The following CACNA2D4 variants were observed in gnomAD, a reference collection of about 807,000 sequenced individuals.
CACNA2D4 encodes the protein voltage-dependent calcium channel subunit alpha-2/delta-4.
A neutral mutation model predicts 163.8 loss-of-function variants in CACNA2D4; 157 were observed. The ratio of observed to expected loss-of-function variants is 0.96; its 90% CI spans 0.84 to 1.09. The LOEUF is 1.09. Ranked by LOEUF, CACNA2D4 falls within the 50% of genes least tolerant of loss-of-function variation. The pLI is 0.00. For synonymous variants in CACNA2D4, 598 were observed against 586.9 expected (o/e 1.02, Z -0.27); for missense variants, 1,410 against 1,479.9 (o/e 0.95, Z 0.78).
Position 1,825,970 on chromosome 12 carries a change from G to C in CACNA2D4, c.2552-14247C>G, listed in dbSNP as rs373277436. On this transcript the variant is annotated intron_variant, in intron 26 of 37. Transcript: ENST00000382722. ...TTGTGCTGAAGGTCAGGGCTCGAGGGACAGAGAGCGTGCACGCTGCTGTTT... is the reference window on the plus strand; with the variant it reads ...TTGTGCTGAAGGTCAGGGCTCGAGGCACAGAGAGCGTGCACGCTGCTGTTT... 3.3e-5 allele frequency among the ~76,000 whole-genome samples: 5 copies of C among 152,336 alleles called. No individual in the cohort carries two copies. The South Asian group carries it at 6.2e-4, about 19-fold the overall frequency.
rs1413253639 is a variant in CACNA2D4, at chr12:1,793,219, G to A, written c.*436C>T. 6.0e-6 allele frequency: 1 copy of A among 166,678 alleles called. No individual in the cohort carries two copies. Among genetic ancestry groups the A allele is most frequent in the African/African-American group, 2.4e-5 (1 of 41,974 alleles). The allele number at this position is 166,678 out of a possible 1,614,324, so 10.3% of individuals were successfully genotyped here. A position where few individuals can be genotyped will look rare whatever the true frequency, so the allele number is the denominator to read the frequency against. On this transcript the variant is annotated 3_prime_UTR_variant, in exon 38 of 38. Transcript: ENST00000382722. ...CTGCATTTGGCCTCATTCTGCTGCT[G>A]CTTCTCAGTACCCAGAAGTCCTTGG... is the stretch of plus-strand genomic sequence containing the variant.
At position 1,799,581 on chromosome 12, in the gene CACNA2D4, T is replaced by C; in HGVS notation, c.2995+94A>G. The stretch of plus-strand genomic sequence containing the variant: ...GAGAGCTCAGCCCTGCTTGGGGTCA[T>C]TCCTGGGACAGGTCATGGAGGGTGG... On this transcript the variant is annotated intron_variant, in intron 34 of 37. Coordinates refer to ENST00000382722, the MANE Select transcript of CACNA2D4 (RefSeq NM_172364.5). This position sits in a 1 kb window ranked among gnomAD's most constrained non-coding sequence, Gnocchi z 4.7. 3 of 1,359,412 alleles carry C rather than the reference T, an allele frequency of 2.2e-6. No homozygotes were observed. Among genetic ancestry groups the C allele is most frequent in the Non-Finnish European group, 3.1e-6 (3 of 974,876 alleles). The allele number at this position is 1,359,412 out of a possible 1,614,324, so 84.2% of individuals were successfully genotyped here. A position where few individuals can be genotyped will look rare whatever the true frequency, so the allele number is the denominator to read the frequency against.
At chr12:1,908,499 C>T (rs894356342) in intron 4 of CACNA2D4, among the ~76,000 whole-genome samples, 4 of 152,116 alleles carry the variant, frequency 2.6e-5, no homozygotes, top group African/African-American at 9.7e-5. Context: ...CCGCAGCTGC[C>T]CTCGGCCTCT....
At chr12:1,868,557 G>A (rs147523974) in intron 18 of CACNA2D4, among the ~76,000 whole-genome samples, 107 of 151,802 alleles carry the variant, frequency 7.0e-4, no homozygotes, top group Middle Eastern at 3.4e-3. Flanking sequence ...ACAACATGAG[G>A]ACTAGAGTTC....
chr12:1,918,062 G>A (rs1867037002), intron 1 of CACNA2D4, 185 bp downstream of exon 1: 8 of 580,090 alleles, frequency 1.4e-5, no homozygotes, highest in Non-Finnish European at 2.1e-5. Context: ...GCTTTTGGGA[G>A]GAGAAAGAGG....
At chr12:1,894,027 G>A (rs1326397972) in intron 6 of CACNA2D4, among the ~76,000 whole-genome samples, 1 of 152,022 alleles carries the variant, frequency 6.6e-6, no homozygotes, top group Admixed American at 6.6e-5. Flanking sequence ...AACAAAGAGA[G>A]AGGACCCAAA....
At chr12:1,850,948 C>G (rs1265022602) in intron 23 of CACNA2D4, among the ~76,000 whole-genome samples, 1 of 152,070 alleles carries the variant, frequency 6.6e-6, no homozygotes, top group Non-Finnish European at 1.5e-5. Flanking sequence ...GGTGACATGA[C>G]CATGCCTCAT....
Position 1,884,266 on chromosome 12 carries a change from T to G in CACNA2D4, c.1328A>C (p.Lys443Thr), listed in dbSNP as rs1565728360. The change falls in exon 12 of 38, where the codon AAG (lysine) becomes ACG (threonine). Residue 443 changes from lysine (K) to threonine (T), a missense_variant. Transcript: ENST00000382722. Reference sequence around the variant, plus strand: ...ACCTTTGTTGTTGCATGCAATCCACTTCATGCGGTCAGCAAAAGACACTTC... The same window carrying G: ...ACCTTTGTTGTTGCATGCAATCCACGTCATGCGGTCAGCAAAAGACACTTC... The part of the protein sequence containing the change: ...GREVSFADRM[K>T]WIACNNKGYY... 1 of 1,612,260 alleles carries G rather than the reference T, an allele frequency of 6.2e-7. No homozygotes were observed. Among genetic ancestry groups the G allele is most frequent in the Non-Finnish European group, 8.5e-7 (1 of 1,179,444 alleles).
chr12:1,853,334 T>A (rs11062005), intron 23 of CACNA2D4, among the ~76,000 whole-genome samples: 7,534 of 152,306 alleles, frequency 0.049, 276 homozygotes, highest in Middle Eastern at 0.095. Flanking sequence ...TAGGTGTTTT[T>A]TATTAGGATA....
At chr12:1,879,083 T>C in intron 14 of CACNA2D4, 47 bp from the exon 15 acceptor site, 1 of 1,532,082 alleles carries the variant, frequency 6.5e-7, no homozygotes, top group Non-Finnish European at 9.0e-7. Flanking sequence ...CTTCCCTGTG[T>C]ACAAGGTTAG....
chr12:1,889,580 GC>G (rs143357732), intron 6 of CACNA2D4, among the ~76,000 whole-genome samples: 23,804 of 151,396 alleles, frequency 0.16, 2,638 homozygotes, highest in African/African-American at 0.3. Flanking sequence ...TGCCTCAGCC[GC>G]CCCCCCCAGT....
chr12:1,824,395 C>T lies in CACNA2D4; in HGVS notation c.2552-12672G>A, dbSNP rs11061989. 3.4e-3 allele frequency among the ~76,000 whole-genome samples: 515 copies of T among 152,296 alleles called. 3 individuals are homozygous for T. The highest frequency in any genetic ancestry group is 0.011 in the African/African-American group (476 of 41,546). ...ACTTTGAGTTGCAATGGTCTACACT[C>T]AAAGCCCCATGTTTCTGGCCCTCCA... is the stretch of plus-strand genomic sequence containing the variant. On this transcript the variant is annotated intron_variant, in intron 26 of 37. Coordinates refer to ENST00000382722, the MANE Select transcript of CACNA2D4 (RefSeq NM_172364.5).
At chr12:1,827,216 T>C (rs766177873) in intron 26 of CACNA2D4, among the ~76,000 whole-genome samples, 12 of 151,280 alleles carry the variant, frequency 7.9e-5, no homozygotes, top group Non-Finnish European at 1.5e-4. Flanking sequence ...AGCCTGGGCC[T>C]CCCATCTGGA....
In CACNA2D4 at chr12:1,908,023, G is replaced by A. The variant is rs1866709414; in HGVS notation, c.501C>T (p.Asn167=). Residue 167 remains asparagine, a synonymous_variant, in exon 5 of 38, where the codon AAC becomes AAT. Transcript: ENST00000382722. ...FNESLVFDYY[N]SVLINERDEK... is the part of the protein sequence containing the mutation. ...CGTCCCTCTCGTTGATCAGGACCGA[G>A]TTGTAATAGTCGAACTGGGGTGGAC... 1 of 1,613,240 alleles carries A rather than the reference G, an allele frequency of 6.2e-7. No individual in the cohort carries two copies. The highest frequency in any genetic ancestry group is 1.3e-5 in the African/African-American group (1 of 75,062).
intron 18 of CACNA2D4, among the ~76,000 whole-genome samples, chr12:1,863,897 CA>C (rs34899618): frequency 0.54 from 77,489 of 143,244 alleles, 20,064 homozygotes; most frequent in Non-Finnish European, 0.56. Flanking sequence ...AATCACTTTA[CA>C]AAAAAAAAAA....
chr12:1,848,762 A>AATTATTATTATTATT lies in CACNA2D4; in HGVS notation c.2247-2088_2247-2074dup, dbSNP rs146412961. Among the ~76,000 whole-genome samples, 612 of 147,354 alleles carry AATTATTATTATTATT rather than the reference A, an allele frequency of 4.2e-3. 2 individuals are homozygous for AATTATTATTATTATT. The highest frequency in any genetic ancestry group is 0.014 in the African/African-American group (557 of 40,266). On this transcript the variant is annotated intron_variant, in intron 23 of 37. Coordinates refer to ENST00000382722, the MANE Select transcript of CACNA2D4 (RefSeq NM_172364.5). ...TATTTCATATGTTTTAACCCATTGC[A>AATTATTATTATTATT]ATTATTATTATTATTATTATTTTTA...
intron 26 of CACNA2D4, among the ~76,000 whole-genome samples, chr12:1,831,805 C>G (rs1009560555): frequency 2.2e-5 from 3 of 139,304 alleles, no homozygotes; most frequent in African/African-American, 7.8e-5. Context: ...CCCACTTTCT[C>G]CTAGGACTCA....
intron 1 of CACNA2D4, 46 bp downstream of exon 1, chr12:1,918,201 G>A (rs559740188): frequency 7.0e-7 from 1 of 1,434,616 alleles, no homozygotes; most frequent in Non-Finnish European, 9.6e-7. Context: ...AAGAAAGTGG[G>A]AAAGGGTGAC....
In CACNA2D4 at chr12:1,914,748, C is replaced by T. The variant is rs142429737; in HGVS notation, c.309+106G>A. Reference sequence around the variant, plus strand: ...CTCAGTGGCCCCATCTGAAATAAACCGATTTGATGGGATGCCCAAGGCCCC... The same window carrying T: ...CTCAGTGGCCCCATCTGAAATAAACTGATTTGATGGGATGCCCAAGGCCCC... On this transcript the variant is annotated intron_variant, in intron 2 of 37. Coordinates refer to ENST00000382722, the MANE Select transcript of CACNA2D4 (RefSeq NM_172364.5). 4.9e-4 allele frequency: 365 copies of T among 738,384 alleles called. 3 individuals carry two copies. In the East Asian group the frequency reaches 8.1e-3, roughly 16 times the overall value. 45.7% of individuals were successfully genotyped at this position (738,384 alleles called of 1,614,324 possible). A position where few individuals can be genotyped will look rare whatever the true frequency, so the allele number is the denominator to read the frequency against.
Sources: gnomAD v4.1 joint callset for allele counts (sites outside exome capture counted in the v4.1 genomes callset) on GRCh38, gnomAD v4.1.1 for gene constraint, Gnocchi (gnomAD v3.1) non-coding constraint, MANE v1.5 for transcripts, NCBI Gene and HGNC (gene_info 2026-07-23, HGNC 2026-07-21) for gene names.